Variants in BANK1 observed in about 807,000 individuals in gnomAD.
BANK1 encodes B cell scaffold protein with ankyrin repeats 1.
Under a neutral mutation model 94.5 loss-of-function variants are expected in BANK1, and 95 were observed. The ratio of observed to expected loss-of-function variants is 1.00; its 90% CI spans 0.85 to 1.19. The LOEUF (loss-of-function observed/expected upper bound fraction) is 1.19. Ranked by LOEUF, BANK1 falls within the 50% of genes most tolerant of loss-of-function variation. The pLI, the probability that BANK1 is intolerant of heterozygous loss-of-function variation, is 0.00. For synonymous variants in BANK1, 334 were observed against 308.4 expected (o/e 1.08, Z -0.87); for missense variants, 987 against 932.2 (o/e 1.06, Z -0.77).
At chr4:102,064,058 G>C (rs974258814) in intron 13 of BANK1, among the ~76,000 whole-genome samples, 2 of 151,926 alleles carry the variant, frequency 1.3e-5, no homozygotes, top group East Asian at 3.9e-4. Flanking sequence ...AATAAATTAC[G>C]TTATCACTAT....
intron 10 of BANK1, among the ~76,000 whole-genome samples, chr4:102,041,687 C>G (rs1727708706): frequency 6.6e-6 from 1 of 151,982 alleles, no homozygotes; most frequent in Non-Finnish European, 1.5e-5. Context: ...CACAATTACC[C>G]CACTCATAGT....
intron 7 of BANK1, among the ~76,000 whole-genome samples, chr4:101,950,748 CTCAGCCAGGTGA>C (rs1724120709): frequency 6.6e-6 from 1 of 152,108 alleles, no homozygotes; most frequent in Non-Finnish European, 1.5e-5. Flanking sequence ...CAAACACTAC[CTCAGCCAGGTGA>C]TCAAAGATAA....
intron 1 of BANK1, among the ~76,000 whole-genome samples, chr4:101,821,712 A>G (rs565882560): frequency 3.1e-4 from 47 of 152,282 alleles, no homozygotes; most frequent in African/African-American, 1.1e-3. Flanking sequence ...GAAGCATTCA[A>G]ACTAACAACA....
intron 6 of BANK1, among the ~76,000 whole-genome samples, chr4:101,909,471 A>G (rs998813023): frequency 6.6e-6 from 1 of 152,172 alleles, no homozygotes; most frequent in Admixed American, 6.5e-5. Context: ...CAGCACACCA[A>G]CATGGCACAT....
intron 4 of BANK1, among the ~76,000 whole-genome samples, chr4:101,864,346 T>C (rs1319544369): frequency 6.6e-6 from 1 of 152,186 alleles, no homozygotes; most frequent in African/African-American, 2.4e-5. Context: ...TTGAAATGTT[T>C]TGAACCCTAC....
chr4:101,825,633 G>C (rs1052573085), intron 1 of BANK1, among the ~76,000 whole-genome samples: 2 of 151,966 alleles, frequency 1.3e-5, no homozygotes, highest in Non-Finnish European at 2.9e-5. Flanking sequence ...CTGCAGTTTG[G>C]TGAGGATTAA....
chr4:102,039,420 CTG>C (rs1478040082), intron 10 of BANK1, among the ~76,000 whole-genome samples: 1 of 152,114 alleles, frequency 6.6e-6, no homozygotes, highest in African/African-American at 2.4e-5. Flanking sequence ...TTAAAACATT[CTG>C]TGTTTCCTGT....
chr4:102,015,682 A>G (rs564676507), intron 7 of BANK1, among the ~76,000 whole-genome samples: 2 of 152,278 alleles, frequency 1.3e-5, no homozygotes, highest in African/African-American at 4.8e-5. Flanking sequence ...CTTACATGCC[A>G]TGTTTGACCC....
At chr4:101,802,750 A>G in intron 1 of BANK1, among the ~76,000 whole-genome samples, 1 of 152,216 alleles carries the variant, frequency 6.6e-6, no homozygotes, top group East Asian at 1.9e-4. Flanking sequence ...TGAAAAAACA[A>G]ATAGTATACT....
intron 10 of BANK1, among the ~76,000 whole-genome samples, chr4:102,037,413 C>T (rs1301511377): frequency 6.6e-6 from 1 of 152,176 alleles, no homozygotes; most frequent in Non-Finnish European, 1.5e-5. Flanking sequence ...ATCGAACAAC[C>T]ATATGAAACA....
At chr4:101,919,495 G>A (rs1411026203) in intron 7 of BANK1, among the ~76,000 whole-genome samples, 1 of 151,920 alleles carries the variant, frequency 6.6e-6, no homozygotes, top group African/African-American at 2.4e-5. Context: ...AGGTTTGATG[G>A]ATGTGGGATA....
intron 6 of BANK1, among the ~76,000 whole-genome samples, chr4:101,912,626 A>G (rs1316103317): frequency 6.7e-6 from 1 of 148,256 alleles, no homozygotes; most frequent in East Asian, 1.9e-4. Context: ...CATAATATAT[A>G]TTAATAAATA....
chr4:101,993,481 G>T (rs1345868180), intron 7 of BANK1, among the ~76,000 whole-genome samples: 4 of 152,146 alleles, frequency 2.6e-5, no homozygotes, highest in South Asian at 2.1e-4. Context: ...GGTAAACTGG[G>T]GCGTGGAGGT....
chr4:101,866,635 T>TTACGTTGA (rs1728077647), intron 4 of BANK1, among the ~76,000 whole-genome samples: 1 of 119,684 alleles, frequency 8.4e-6, no homozygotes, highest in South Asian at 2.4e-4. Flanking sequence ...AGTATAGGAA[T>TTACGTTGA]ACCATTTGAC....
chr4:101,968,165 A>C (rs1724827140), intron 7 of BANK1, among the ~76,000 whole-genome samples: 1 of 152,070 alleles, frequency 6.6e-6, no homozygotes. Context: ...TTAGTTACTC[A>C]TTGAGTCTTA....
At chr4:101,824,272 A>T (rs955602659) in intron 1 of BANK1, among the ~76,000 whole-genome samples, 2 of 152,260 alleles carry the variant, frequency 1.3e-5, no homozygotes, top group Non-Finnish European at 2.9e-5. Context: ...GTCCTCAGTC[A>T]GTAAAGCAGA....
intron 7 of BANK1, among the ~76,000 whole-genome samples, chr4:101,999,344 C>T (rs986638243): frequency 1.2e-4 from 18 of 152,258 alleles, no homozygotes; most frequent in Admixed American, 3.3e-4. Flanking sequence ...ACCTTCAAAG[C>T]CAGCAGCATA....
chr4:102,014,094 T>C (rs1293299349), intron 7 of BANK1, among the ~76,000 whole-genome samples: 9 of 152,122 alleles, frequency 5.9e-5, no homozygotes, highest in Non-Finnish European at 4.4e-5. Context: ...ACAATATCCC[T>C]AATCTCAAAC....
intron 7 of BANK1, among the ~76,000 whole-genome samples, chr4:102,011,497 T>C (rs1485315868): frequency 6.6e-6 from 1 of 152,182 alleles, no homozygotes; most frequent in African/African-American, 2.4e-5. Context: ...AGAATATGAA[T>C]AGCAACACCC....
Sources: allele counts gnomAD v4.1 joint callset (sites outside exome capture counted in the v4.1 genomes callset), GRCh38; gene constraint gnomAD v4.1.1; transcripts MANE v1.5; gene names NCBI Gene and HGNC (gene_info 2026-07-23, HGNC 2026-07-21).